SLC2A7: variants seen among roughly 807,000 people sequenced by gnomAD.
The protein encoded by SLC2A7 is solute carrier family 2 member 7.
SLC2A7 carries 50 observed loss-of-function variants against 50.5 expected under a neutral mutation model. That is an observed-to-expected ratio of 0.99 (90% CI 0.79 to 1.25). The LOEUF (loss-of-function observed/expected upper bound fraction) is 1.25. SLC2A7 is among the 50% of genes most tolerant of loss of function. The probability of loss-of-function intolerance (pLI) is 0.00; values close to 1 mark genes in which losing one functional copy is unlikely to be tolerated. For missense variants in SLC2A7, 683 were observed against 679.1 expected (o/e 1.01, Z -0.06); for synonymous variants, 308 against 300.4 (o/e 1.03, Z -0.26).
intron 10 of SLC2A7, among the ~76,000 whole-genome samples, chr1:9,006,226 C>T (rs1251259874): frequency 6.6e-6 from 1 of 152,200 alleles, no homozygotes; most frequent in Non-Finnish European, 1.5e-5. Context: ...TTGAGGTACA[C>T]TGGGAAGGCG....
In SLC2A7 at chr1:9,026,330, C is replaced by T. The variant is rs111406102; in HGVS notation, c.16G>A (p.Ala6Thr). The T allele has an allele frequency of 7.5e-6, 12 of 1,609,002 alleles. No homozygotes were observed. In the African/African-American group the frequency reaches 1.1e-4, roughly 14 times the overall value. The change falls in exon 1 of 12, where the codon GCG becomes ACG. Residue 6 changes from alanine (A) to threonine (T), a missense_variant. Coordinates refer to ENST00000400906, the MANE Select transcript of SLC2A7 (RefSeq NM_207420.3). The stretch of plus-strand genomic sequence containing the variant: ...GATGGAATGGGTGGAGGGGTTCCCG[C>T]CTCTTTGTTCTCCATCCTTGTTCAG... MENKE[A>T]GTPPPIPSRE...
rs766290832 is a variant in SLC2A7, at chr1:9,003,256, G to A, written c.*44C>T. On this transcript the variant is annotated 3_prime_UTR_variant, in exon 12 of 12. Coordinates refer to ENST00000400906, the MANE Select transcript of SLC2A7 (RefSeq NM_207420.3). The stretch of plus-strand genomic sequence containing the variant: ...TGGGGCCGGGAGGCCCATTGTCATA[G>A]AAGGAAGCCTTGAATATGGGCTCCC... The A allele has an allele frequency of 5.6e-5, 89 of 1,595,662 alleles. No homozygotes were observed. Among genetic ancestry groups the A allele is most frequent in the Non-Finnish European group, 7.5e-5 (87 of 1,166,256 alleles).
chr1:9,009,424 G>A (rs1006980255), intron 9 of SLC2A7, among the ~76,000 whole-genome samples: 2 of 152,118 alleles, frequency 1.3e-5, no homozygotes, highest in Non-Finnish European at 1.5e-5. Context: ...GGTCTGCTGT[G>A]TTTTAGTCTT....
the SLC2A7 span, among the ~76,000 whole-genome samples, chr1:8,994,089 T>C: frequency 6.6e-6 from 1 of 152,226 alleles, no homozygotes; most frequent in Non-Finnish European, 1.5e-5. Context: ...GCTCTGGTTT[T>C]TTGAGTGACT....
downstream of SLC2A7, among the ~76,000 whole-genome samples, chr1:8,999,716 G>A (rs1302616516): frequency 1.3e-5 from 2 of 152,214 alleles, no homozygotes; most frequent in East Asian, 1.9e-4. Flanking sequence ...ACCCAGGAGG[G>A]AGGCATTCTT....
chr1:8,998,080 T>C (rs2124226259), downstream of SLC2A7, among the ~76,000 whole-genome samples: 1 of 152,296 alleles, frequency 6.6e-6, no homozygotes, highest in South Asian at 2.1e-4. Context: ...TATGCTGTCC[T>C]TTCACCACTC....
rs1640933695 is a variant in SLC2A7, at chr1:9,022,934, C to T, written c.295G>A (p.Val99Ile). ...LLGSLLVGLL[V>I]DSCGRKGTLL... Reference sequence around the variant, plus strand: ...TCTGTTTACCTGCCGCAGCTATCAACCAGCAGGCCCACGAGCAATGACCCC... The same window carrying T: ...TCTGTTTACCTGCCGCAGCTATCAATCAGCAGGCCCACGAGCAATGACCCC... The change falls in exon 3 of 12, where the codon GTT becomes ATT. Residue 99 changes from valine (V) to isoleucine (I), a missense_variant. Coordinates refer to ENST00000400906, the MANE Select transcript of SLC2A7 (RefSeq NM_207420.3). 1 of 1,613,882 alleles carries T rather than the reference C, an allele frequency of 6.2e-7. No homozygotes were observed. Among genetic ancestry groups the T allele is most frequent in the African/African-American group, 1.3e-5 (1 of 74,900 alleles).
chr1:9,004,519 C>T, intron 11 of SLC2A7, among the ~76,000 whole-genome samples: 1 of 151,208 alleles, frequency 6.6e-6, no homozygotes, highest in Non-Finnish European at 1.5e-5. Flanking sequence ...CGGACCAGAG[C>T]CCCTAAGCAA....
rs12072306 is a variant in SLC2A7, at chr1:9,025,220, C to G, written c.52-146G>C. The G allele has an allele frequency of 3.9e-6, 3 of 778,648 alleles. No individual in the cohort carries two copies. The South Asian group carries it at 5.0e-5, about 13-fold the overall frequency. The allele number at this position is 778,648 out of a possible 1,614,324, so 48.2% of individuals were successfully genotyped here. On this transcript the variant is annotated intron_variant, in intron 1 of 11. Transcript: ENST00000400906. ...GCCCCCGGAAAAGAGGAGGAGGTGG[C>G]GCAGGGCTGGGGCTTTTGGGGGCTG...
chr1:9,000,349 T>A (rs957730570), downstream of SLC2A7, among the ~76,000 whole-genome samples: 1 of 147,738 alleles, frequency 6.8e-6, no homozygotes, highest in Non-Finnish European at 1.5e-5. Context: ...CTGGGCACGG[T>A]GGCTCATGCC....
At chr1:9,006,021 C>A (rs925055250) in intron 10 of SLC2A7, among the ~76,000 whole-genome samples, 5 of 152,116 alleles carry the variant, frequency 3.3e-5, no homozygotes, top group Admixed American at 3.3e-4. Flanking sequence ...GCCAATAGTC[C>A]TTAGGTCTAA....
At chr1:9,013,690 T>A in intron 7 of SLC2A7, 55 bp from the exon 8 acceptor site, 1 of 1,482,102 alleles carries the variant, frequency 6.7e-7, no homozygotes, top group Non-Finnish European at 9.3e-7. Context: ...GACGCTGGCT[T>A]AACTTTCTCA....
chr1:9,022,597 C>G (rs528229658), intron 3 of SLC2A7, among the ~76,000 whole-genome samples: 1 of 152,110 alleles, frequency 6.6e-6, no homozygotes, highest in African/African-American at 2.4e-5. Context: ...ACCTGATAAA[C>G]GAGCATTTAC....
At chr1:8,997,176 C>T in the SLC2A7 span, among the ~76,000 whole-genome samples, 6 of 152,010 alleles carry the variant, frequency 3.9e-5, no homozygotes, top group Non-Finnish European at 5.9e-5. Flanking sequence ...TGCAGAGGCT[C>T]ACCCCTGCAA....
rs1640701407 is a variant in SLC2A7, at chr1:9,008,982, C to T, written c.1116+1161G>A. Among the ~76,000 whole-genome samples, 1 of 152,218 alleles carries T rather than the reference C, an allele frequency of 6.6e-6. No individual in the cohort carries two copies. Among genetic ancestry groups the T allele is most frequent in the South Asian group, 2.1e-4 (1 of 4,822 alleles). On this transcript the variant is annotated intron_variant, in intron 9 of 11. Transcript: ENST00000400906. This position sits in a 1 kb window ranked among gnomAD's most constrained non-coding sequence, Gnocchi z 5.9. ...ATTTATGAGCATCACTAACACTGTTCGTCGCCAGGCCTTGCTTTCCCCGCA... is the reference window on the plus strand; with the variant it reads ...ATTTATGAGCATCACTAACACTGTTTGTCGCCAGGCCTTGCTTTCCCCGCA...
chr1:9,015,116 C>A lies in SLC2A7; in HGVS notation c.715+1G>T. ...TGGGAGAGTAGCCGGCGACTTCATACCTTGTCGCGCTGTGGCTTCATCTCC... is the reference window on the plus strand; with the variant it reads ...TGGGAGAGTAGCCGGCGACTTCATAACTTGTCGCGCTGTGGCTTCATCTCC... On this transcript the variant is annotated splice_donor_variant, in intron 6 of 11. Transcript: ENST00000400906. LOFTEE classifies it high-confidence loss of function. 6.2e-7 allele frequency: 1 copy of A among 1,613,154 alleles called. No individual in the cohort carries two copies. Among genetic ancestry groups the A allele is most frequent in the Non-Finnish European group, 8.5e-7 (1 of 1,179,742 alleles).
At chr1:9,020,437 G>C (rs1640895114) in intron 3 of SLC2A7, among the ~76,000 whole-genome samples, 1 of 152,078 alleles carries the variant, frequency 6.6e-6, no homozygotes, top group Non-Finnish European at 1.5e-5. Flanking sequence ...AGAAGGAGAG[G>C]GAGTGCCTGA....
downstream of SLC2A7, among the ~76,000 whole-genome samples, chr1:8,999,548 G>A (rs556300693): frequency 7.2e-5 from 11 of 152,282 alleles, no homozygotes; most frequent in East Asian, 1.9e-3. Context: ...TGCAGCAACT[G>A]TATTTGGGTG....
In SLC2A7 at chr1:9,019,368, G is replaced by A. The variant is rs368635727; in HGVS notation, c.312-35C>T. ...CAGTGAGCCCAGAGGGCAGGGGTGC[G>A]TGGAGGCCGCGGAAGCCCTCCCAAC... On this transcript the variant is annotated intron_variant, in intron 3 of 11. Transcript: ENST00000400906. 47 of 1,610,834 alleles carry A rather than the reference G, an allele frequency of 2.9e-5. 1 individual carries two copies. Among genetic ancestry groups the A allele is most frequent in the Admixed American group, 2.9e-4 (17 of 59,542 alleles).
Sources: gnomAD v4.1 joint callset for allele counts (sites outside exome capture counted in the v4.1 genomes callset) on GRCh38, gnomAD v4.1.1 for gene constraint, Gnocchi (gnomAD v3.1) non-coding constraint, MANE v1.5 for transcripts, NCBI Gene and HGNC (gene_info 2026-07-23, HGNC 2026-07-21) for gene names.